Variants in KCNQ1 observed in about 807,000 individuals in gnomAD.
KCNQ1 encodes potassium voltage-gated channel subfamily Q member 1, also known as potassium voltage-gated channel subfamily KQT member 1.
KCNQ1 carries 49 observed loss-of-function variants against 72.4 expected under a neutral mutation model. The ratio of observed to expected loss-of-function variants is 0.68; its 90% CI spans 0.54 to 0.86. The LOEUF (loss-of-function observed/expected upper bound fraction) is 0.86, where lower values mean the gene tolerates loss of function less well. Among genes scored for constraint, KCNQ1 ranks in the 40% least tolerant of loss-of-function variants. The probability of loss-of-function intolerance (pLI) is 0.00; values close to 1 mark genes in which losing one functional copy is unlikely to be tolerated. For missense variants in KCNQ1, 790 were observed against 945.1 expected, an observed-to-expected ratio of 0.84 and a Z score of 2.15; for synonymous variants, 450 against 412.6, an observed-to-expected ratio of 1.09 and a Z score of -1.10.
chr11:2,661,849 C>A lies in KCNQ1; in HGVS notation c.1394-112C>A. The A allele has an allele frequency of 7.4e-7, 1 of 1,358,312 alleles. No individual in the cohort carries two copies. Among genetic ancestry groups the A allele is most frequent in the Non-Finnish European group, 1.0e-6 (1 of 953,214 alleles). The allele number at this position is 1,358,312 out of a possible 1,614,324, so 84.1% of individuals were successfully genotyped here. On this transcript the variant is annotated intron_variant, in intron 10 of 15. Transcript: ENST00000155840. The surrounding 1 kb of genome is among the most constrained non-coding windows in gnomAD (Gnocchi z 5.9). ...AAACTGATTGTCAGGGCTGGAGCTTCCAGGCACAAGCTCCACTCCTCACCT... is the reference window on the plus strand; with the variant it reads ...AAACTGATTGTCAGGGCTGGAGCTTACAGGCACAAGCTCCACTCCTCACCT...
In KCNQ1 at chr11:2,782,908, T is replaced by C. The variant is rs970009023; in HGVS notation, c.1794+4871T>C. Among the ~76,000 whole-genome samples, 5 of 152,164 alleles carry C rather than the reference T, an allele frequency of 3.3e-5. No homozygotes were observed. Among genetic ancestry groups the C allele is most frequent in the Non-Finnish European group, 7.4e-5 (5 of 68,008 alleles). On this transcript the variant is annotated intron_variant, in intron 15 of 15. Coordinates refer to ENST00000155840, the MANE Select transcript of KCNQ1 (RefSeq NM_000218.3). The surrounding 1 kb of genome is among the most constrained non-coding windows in gnomAD (Gnocchi z 6.1). ...TGATCCTCTCTATTGTGATTTTGTT[T>C]TGTTTCATTCACTTCTGTTTATTTT...
rs1264954764 is a variant in KCNQ1 at position 2,495,394 on chromosome 11, G to T, written c.387-32534G>T. ...CTTCTGCTAGCTTTTGAATTTGTTT[G>T]CTCTTGCTTCTCTAGTTCTTTTAAT... On this transcript the variant is annotated intron_variant, in intron 1 of 15. Coordinates refer to ENST00000155840, the MANE Select transcript of KCNQ1 (RefSeq NM_000218.3). The surrounding 1 kb of genome is among the most constrained non-coding windows in gnomAD (Gnocchi z 4.6). Among the ~76,000 whole-genome samples, 2 of 151,938 alleles carry T rather than the reference G, an allele frequency of 1.3e-5. No homozygotes were observed. Among genetic ancestry groups the T allele is most frequent in the Non-Finnish European group, 2.9e-5 (2 of 67,980 alleles).
intron 1 of KCNQ1, among the ~76,000 whole-genome samples, chr11:2,513,223 A>G (rs935701867): frequency 1.3e-5 from 2 of 151,470 alleles, no homozygotes; most frequent in East Asian, 3.9e-4. Context: ...TCATTGCACA[A>G]CTCCAGGGGC....
rs1413069495 is a variant in KCNQ1 at position 2,746,543 on chromosome 11, G to C, written c.1515-22301G>C. On this transcript the variant is annotated intron_variant, in intron 11 of 15. Coordinates refer to ENST00000155840, the MANE Select transcript of KCNQ1 (RefSeq NM_000218.3). The surrounding 1 kb of genome is among the most constrained non-coding windows in gnomAD (Gnocchi z 5.9). ...GTGGTGACCTGGACGGTTCAGAGGA[G>C]GACAGGTCAGGTGTTTGTAGGGTGT... is the stretch of plus-strand genomic sequence containing the variant. 6.6e-5 allele frequency among the ~76,000 whole-genome samples: 10 copies of C among 152,198 alleles called. No homozygotes were observed. Among genetic ancestry groups the C allele is most frequent in the African/African-American group, 1.9e-4 (8 of 41,454 alleles).
intron 11 of KCNQ1, among the ~76,000 whole-genome samples, chr11:2,743,946 G>A (rs918387389): frequency 6.6e-6 from 1 of 152,194 alleles, no homozygotes; most frequent in Non-Finnish European, 1.5e-5. Flanking sequence ...GAGGGTGCTG[G>A]CCTGCAGACC....
At chr11:2,496,787 T>A (rs34208819) in intron 1 of KCNQ1, among the ~76,000 whole-genome samples, 2,317 of 152,260 alleles carry the variant, frequency 0.015, 29 homozygotes, top group Middle Eastern at 0.034. Flanking sequence ...GTCATTGGTC[T>A]TTATATTTTG....
At chr11:2,604,463 G>T (rs1042397244) in intron 10 of KCNQ1, among the ~76,000 whole-genome samples, 1 of 151,802 alleles carries the variant, frequency 6.6e-6, no homozygotes, top group Non-Finnish European at 1.5e-5. Context: ...AGGCAACAGA[G>T]CAAGACTGTT....
chr11:2,613,343 C>T lies in KCNQ1; in HGVS notation c.1393+24489C>T, dbSNP rs151143862. 3,749 of 398,524 alleles carry T rather than the reference C, an allele frequency of 9.4e-3. 20 individuals carry two copies. Among genetic ancestry groups the T allele is most frequent in the Non-Finnish European group, 0.012 (2,811 of 226,042 alleles). The allele number at this position is 398,524 out of a possible 1,614,324, so 24.7% of individuals were successfully genotyped here. A position where few individuals can be genotyped will look rare whatever the true frequency, so the allele number is the denominator to read the frequency against. The stretch of plus-strand genomic sequence containing the variant: ...AAATTTTTCTTAATCTGTCGCTTGC[C>T]CAACCAGTATTGAAACATTAGGTTG... On this transcript the variant is annotated intron_variant, in intron 10 of 15. Coordinates refer to ENST00000155840, the MANE Select transcript of KCNQ1 (RefSeq NM_000218.3). This position sits in a 1 kb window ranked among gnomAD's most constrained non-coding sequence, Gnocchi z 4.8.
In KCNQ1 at chr11:2,612,998, GTTTGT is replaced by G. The variant is rs2133793193; in HGVS notation, c.1393+24148_1393+24152del. 1 of 398,520 alleles carries G rather than the reference GTTTGT, an allele frequency of 2.5e-6. No individual in the cohort carries two copies. Among genetic ancestry groups the G allele is most frequent in the Admixed American group, 4.4e-5 (1 of 22,710 alleles). 24.7% of individuals were successfully genotyped at this position (398,520 alleles called of 1,614,324 possible). The stretch of plus-strand genomic sequence containing the variant: ...GCCACTGGTGTCTTTGCTCAGTTTT[GTTTGT>G]TTTAATTCTTATGTTTGTTTTGTAA... On this transcript the variant is annotated intron_variant, in intron 10 of 15. Coordinates refer to ENST00000155840, the MANE Select transcript of KCNQ1 (RefSeq NM_000218.3). The surrounding 1 kb of genome is among the most constrained non-coding windows in gnomAD (Gnocchi z 5.5).
At chr11:2,518,219 C>T (rs1480979935) in intron 1 of KCNQ1, among the ~76,000 whole-genome samples, 1 of 152,264 alleles carries the variant, frequency 6.6e-6, no homozygotes, top group Non-Finnish European at 1.5e-5. Context: ...GCAGTGGCTG[C>T]CTGGCGGTCC....
rs371236498 is a variant in KCNQ1 at position 2,732,616 on chromosome 11, G to A, written c.1515-36228G>A. ...GGCACCGGTGCTTCCGACGGGGCCCGAGGGCCGTCTGACCTTTCCGGCCAC... is the reference window on the plus strand; with the variant it reads ...GGCACCGGTGCTTCCGACGGGGCCCAAGGGCCGTCTGACCTTTCCGGCCAC... On this transcript the variant is annotated intron_variant, in intron 11 of 15. Transcript: ENST00000155840. Among the ~76,000 whole-genome samples the A allele has an allele frequency of 3.0e-3, 451 of 152,346 alleles. 1 individual carries two copies. Among genetic ancestry groups the A allele is most frequent in the African/African-American group, 0.01 (416 of 41,588 alleles).
In KCNQ1 at chr11:2,748,948, G is replaced by C. The variant is rs1460025287; in HGVS notation, c.1515-19896G>C. 2.6e-5 allele frequency among the ~76,000 whole-genome samples: 4 copies of C among 152,362 alleles called. No homozygotes were observed. The highest frequency in any genetic ancestry group is 6.5e-5 in the Admixed American group (1 of 15,308). On this transcript the variant is annotated intron_variant, in intron 11 of 15. Transcript: ENST00000155840. The surrounding 1 kb of genome is among the most constrained non-coding windows in gnomAD (Gnocchi z 6.2). ...TGTCCTTGAGTCTAACTGGGGCTGT[G>C]CTGCCTTTGACGTGAGCTATTCAAA... is the stretch of plus-strand genomic sequence containing the variant.
rs1846820455 is a variant in KCNQ1, at chr11:2,781,412, C to G, written c.1794+3375C>G. Among the ~76,000 whole-genome samples the G allele has an allele frequency of 6.6e-6, 1 of 152,132 alleles. No individual in the cohort carries two copies. The highest frequency in any genetic ancestry group is 2.1e-4 in the South Asian group (1 of 4,836). On this transcript the variant is annotated intron_variant, in intron 15 of 15. Coordinates refer to ENST00000155840, the MANE Select transcript of KCNQ1 (RefSeq NM_000218.3). This position sits in a 1 kb window ranked among gnomAD's most constrained non-coding sequence, Gnocchi z 6.6. ...ATGGAGAGGCTGAGGAGGGTTGAGG[C>G]CAGGGGCAGGCTGGGGGCACCAGCA...
Position 2,463,784 on chromosome 11 carries a change from G to A in KCNQ1, c.386+18300G>A, listed in dbSNP as rs1158755869. Among the ~76,000 whole-genome samples, 6 of 152,212 alleles carry A rather than the reference G, an allele frequency of 3.9e-5. No homozygotes were observed. The highest frequency in any genetic ancestry group is 3.8e-4 in the East Asian group (2 of 5,196). ...TGCTCCTCACAAGACATTGCCCTGCGAGGGGGTCAGCCCTGAAGCCGGATG... is the reference window on the plus strand; with the variant it reads ...TGCTCCTCACAAGACATTGCCCTGCAAGGGGGTCAGCCCTGAAGCCGGATG... On this transcript the variant is annotated intron_variant, in intron 1 of 15. Transcript: ENST00000155840. This position sits in a 1 kb window ranked among gnomAD's most constrained non-coding sequence, Gnocchi z 7.0.
intron 1 of KCNQ1, among the ~76,000 whole-genome samples, chr11:2,510,116 T>A (rs1847174219): frequency 6.7e-6 from 1 of 149,388 alleles, no homozygotes; most frequent in Non-Finnish European, 1.5e-5. Flanking sequence ...AAAAAAAAAA[T>A]TAAAATATTA....
At chr11:2,587,781 C>A in intron 9 of KCNQ1, 89 bp downstream of exon 9, 1 of 1,574,616 alleles carries the variant, frequency 6.4e-7, no homozygotes, top group Non-Finnish European at 8.7e-7. Flanking sequence ...GGGATCTCAC[C>A]ATGCATTTGG....
At chr11:2,474,270 G>A (rs574007953) in intron 1 of KCNQ1, among the ~76,000 whole-genome samples, 6 of 152,226 alleles carry the variant, frequency 3.9e-5, no homozygotes, top group South Asian at 4.1e-4. Context: ...CTCTTGTGGC[G>A]CCCGGGCCAC....
rs1014983126 is a variant in KCNQ1 at position 2,634,421 on chromosome 11, A to G, written c.1394-27540A>G. The stretch of plus-strand genomic sequence containing the variant: ...TCAGTTCCCACCTACGAGTGAGAAC[A>G]TGCGGTGTTTGGTTTTTCATTCTTG... On this transcript the variant is annotated intron_variant, in intron 10 of 15. Transcript: ENST00000155840. The G allele has an allele frequency of 1.7e-5, 3 of 181,706 alleles. No individual in the cohort carries two copies. In the East Asian group the frequency reaches 3.6e-4, roughly 22 times the overall value. The allele number at this position is 181,706 out of a possible 1,614,324, so 11.3% of individuals were successfully genotyped here.
At chr11:2,776,276 C>T (rs1249134534) in intron 13 of KCNQ1, among the ~76,000 whole-genome samples, 2 of 152,144 alleles carry the variant, frequency 1.3e-5, no homozygotes, top group African/African-American at 4.8e-5. Context: ...TTGTTCCCCG[C>T]CCGGATCTGA....
Sources: gnomAD v4.1 joint callset for allele counts (sites outside exome capture counted in the v4.1 genomes callset) on GRCh38, gnomAD v4.1.1 for gene constraint, Gnocchi (gnomAD v3.1) non-coding constraint, MANE v1.5 for transcripts, NCBI Gene and HGNC (gene_info 2026-07-23, HGNC 2026-07-21) for gene names.